RALYL: variants seen among roughly 807,000 people sequenced by gnomAD.
RALYL encodes RALY RNA binding protein like, also known as RNA-binding Raly-like protein.
RALYL carries 29 observed loss-of-function variants against 35.1 expected under a neutral mutation model. The ratio of observed to expected loss-of-function variants is 0.83; its 90% confidence interval spans 0.61 to 1.13. RALYL has a LOEUF of 1.13. Among genes scored for constraint, RALYL ranks in the 50% most tolerant of loss-of-function variants. The pLI is 0.00. For synonymous variants in RALYL, 120 were observed against 127.6 expected, an observed-to-expected ratio of 0.94 and a Z score of 0.40; for missense variants, 359 against 360.4, an observed-to-expected ratio of 1.00 and a Z score of 0.03.
At chr8:84,407,532 C>A (rs1208099891) in intron 1 of RALYL, among the ~76,000 whole-genome samples, 2 of 151,744 alleles carry the variant, frequency 1.3e-5, no homozygotes, top group Admixed American at 1.3e-4. Context: ...TACCTTGGCT[C>A]AAAACTGAAC....
intron 1 of RALYL, among the ~76,000 whole-genome samples, chr8:84,202,205 T>C (rs1405021968): frequency 2.0e-5 from 3 of 150,126 alleles, no homozygotes. Context: ...ATATTTTTGG[T>C]TTAAAAAAAA....
intron 4 of RALYL, among the ~76,000 whole-genome samples, chr8:84,848,124 CA>C (rs1421990109): frequency 3.6e-4 from 55 of 152,152 alleles, no homozygotes; most frequent in Non-Finnish European, 5.1e-4. Context: ...ATAGAATTAC[CA>C]TATGACCGAG....
At chr8:84,634,061 A>G (rs560082580) in intron 2 of RALYL, among the ~76,000 whole-genome samples, 17 of 152,048 alleles carry the variant, frequency 1.1e-4, no homozygotes, top group African/African-American at 3.9e-4. Flanking sequence ...ACTTATAAAG[A>G]TCACAGATTA....
intron 1 of RALYL, among the ~76,000 whole-genome samples, chr8:84,489,758 G>T (rs7015190): frequency 0.014 from 2,147 of 152,046 alleles, 53 homozygotes; most frequent in African/African-American, 0.049. Flanking sequence ...ACAATGCCAT[G>T]CCATGAGAAA....
chr8:84,783,432 T>G (rs1213639799), intron 3 of RALYL, among the ~76,000 whole-genome samples: 1 of 152,192 alleles, frequency 6.6e-6, no homozygotes, highest in African/African-American at 2.4e-5. Context: ...ACCTATTACA[T>G]ACATATTTTC....
At chr8:84,334,437 A>G (rs113727322) in intron 1 of RALYL, among the ~76,000 whole-genome samples, 4,093 of 151,832 alleles carry the variant, frequency 0.027, 100 homozygotes, top group Non-Finnish European at 0.031. Context: ...ATGTTCTTTT[A>G]TACATAAATG....
At chr8:84,782,487 T>A (rs1397454795) in intron 3 of RALYL, among the ~76,000 whole-genome samples, 1 of 152,254 alleles carries the variant, frequency 6.6e-6, no homozygotes, top group Non-Finnish European at 1.5e-5. Flanking sequence ...AGTTGGCAGG[T>A]GCCAATGAAG....
chr8:84,845,632 C>A (rs1379880831), intron 4 of RALYL, among the ~76,000 whole-genome samples: 1 of 152,026 alleles, frequency 6.6e-6, no homozygotes, highest in East Asian at 1.9e-4. Context: ...TGTTTACTTC[C>A]TTCATAGTTT....
At chr8:84,493,588 CTT>C (rs1011549883) in intron 1 of RALYL, among the ~76,000 whole-genome samples, 3 of 152,098 alleles carry the variant, frequency 2.0e-5, no homozygotes, top group Non-Finnish European at 4.4e-5. Flanking sequence ...TGTTTCTTGA[CTT>C]TTTAATAATC....
At chr8:84,411,403 A>C (rs181988013) in intron 1 of RALYL, among the ~76,000 whole-genome samples, 3 of 152,038 alleles carry the variant, frequency 2.0e-5, no homozygotes, top group Admixed American at 2.0e-4. Flanking sequence ...AAAATTTAAC[A>C]GTTCTGAGTG....
chr8:84,875,968 A>C (rs538066230), intron 7 of RALYL, among the ~76,000 whole-genome samples: 8 of 152,190 alleles, frequency 5.3e-5, no homozygotes, highest in Non-Finnish European at 8.8e-5. Context: ...GAGATGGAGA[A>C]TCTGAAAGTG....
intron 1 of RALYL, among the ~76,000 whole-genome samples, chr8:84,493,559 C>T (rs1427841760): frequency 6.6e-6 from 1 of 152,140 alleles, no homozygotes; most frequent in Admixed American, 6.6e-5. Flanking sequence ...TATTTCTCCA[C>T]AGCCTCACCA....
intron 2 of RALYL, among the ~76,000 whole-genome samples, chr8:84,773,504 T>G (rs762626254): frequency 2.6e-5 from 4 of 152,312 alleles, no homozygotes; most frequent in African/African-American, 4.8e-5. Context: ...CCAAACCTTC[T>G]CCTCCCAACT....
intron 1 of RALYL, among the ~76,000 whole-genome samples, chr8:84,509,408 G>A (rs948672740): frequency 1.3e-5 from 2 of 152,136 alleles, no homozygotes; most frequent in African/African-American, 2.4e-5. Context: ...GCTGTATGAG[G>A]CCATAATTGC....
At chr8:84,771,566 T>G (rs2133540565) in intron 2 of RALYL, among the ~76,000 whole-genome samples, 1 of 152,240 alleles carries the variant, frequency 6.6e-6, no homozygotes, top group South Asian at 2.1e-4. Context: ...ATTACCAGGC[T>G]TTGTAAAATG....
intron 2 of RALYL, among the ~76,000 whole-genome samples, chr8:84,638,874 AT>A (rs1442344190): frequency 3.4e-4 from 5 of 14,656 alleles, no homozygotes; most frequent in Non-Finnish European, 5.2e-4. Flanking sequence ...ACGCATAAAT[AT>A]ATATATATAT....
chr8:84,921,052 T>G lies in RALYL; in HGVS notation c.*141T>G. ...CCCAAATAAATAAAATGGACAGTAT[T>G]GCTCAGTTTTAGAAATTCCATTTCT... On this transcript the variant is annotated 3_prime_UTR_variant, in exon 9 of 9. Coordinates refer to ENST00000521268, the MANE Select transcript of RALYL (RefSeq NM_173848.7). The G allele has an allele frequency of 2.2e-6, 1 of 454,158 alleles. No homozygotes were observed. The highest frequency in any genetic ancestry group is 6.7e-5 in the South Asian group (1 of 14,984). 28.1% of individuals were successfully genotyped at this position (454,158 alleles called of 1,614,324 possible). A position where few individuals can be genotyped will look rare whatever the true frequency, so the allele number is the denominator to read the frequency against.
At chr8:84,337,519 T>G (rs1268698615) in intron 1 of RALYL, among the ~76,000 whole-genome samples, 1 of 152,108 alleles carries the variant, frequency 6.6e-6, no homozygotes, top group Non-Finnish European at 1.5e-5. Flanking sequence ...TGTCTATACA[T>G]GGCTACAGTA....
chr8:84,852,061 G>C (rs1306062507), intron 5 of RALYL, among the ~76,000 whole-genome samples: 2 of 152,108 alleles, frequency 1.3e-5, no homozygotes, highest in African/African-American at 4.8e-5. Context: ...ATTTTCCGAA[G>C]GTCACCAAGC....
Sources: allele counts gnomAD v4.1 joint callset (sites outside exome capture counted in the v4.1 genomes callset), GRCh38; gene constraint gnomAD v4.1.1; transcripts MANE v1.5; gene names NCBI Gene and HGNC (gene_info 2026-07-23, HGNC 2026-07-21).